TOP1MT: variants seen among roughly 807,000 people sequenced by gnomAD.
The protein encoded by TOP1MT is DNA topoisomerase I mitochondrial.
Under a neutral mutation model 73.9 loss-of-function variants are expected in TOP1MT, and 80 were observed. The ratio of observed to expected loss-of-function variants is 1.08; its 90% confidence interval spans 0.90 to 1.30. TOP1MT has a LOEUF of 1.30. Among genes scored for constraint, TOP1MT ranks in the 50% most tolerant of loss-of-function variants. The pLI is 0.00. For missense variants in TOP1MT, 815 were observed against 808.0 expected (o/e 1.01, Z -0.10); for synonymous variants, 338 against 326.4 (o/e 1.04, Z -0.38).
intron 12 of TOP1MT, among the ~76,000 whole-genome samples, chr8:143,315,194 C>G (rs1305132853): frequency 6.6e-6 from 1 of 152,206 alleles, no homozygotes; most frequent in Non-Finnish European, 1.5e-5. Flanking sequence ...CCGCAGTTAT[C>G]CGGAGGCCTA....
rs144092447 is a variant in TOP1MT at position 143,324,079 on chromosome 8, G to A, written c.880C>T (p.Arg294Cys). 36 of 1,613,876 alleles carry A rather than the reference G, an allele frequency of 2.2e-5. No individual in the cohort carries two copies. Among genetic ancestry groups the A allele is most frequent in the African/African-American group, 2.1e-4 (16 of 75,052 alleles). ...TTCCAGTCAGCCCGGTACTGGGAGC[G>A]GATCTCGTCCACAAATCCCCGCAGG... Reference protein sequence around the residue: ...RRLRGFVDEIRSQYRADWKSR... With the variant: ...RRLRGFVDEICSQYRADWKSR... The change falls in exon 7 of 14, where the codon CGC becomes TGC. Residue 294 changes from arginine (R) to cysteine (C), a missense_variant. Around this residue, in one of 3 missense-constraint regions of TOP1MT, gnomAD observed 751 missense variants for 725.4 expected, o/e 1.04. Coordinates refer to ENST00000329245, the MANE Select transcript of TOP1MT (RefSeq NM_052963.3).
intron 8 of TOP1MT, among the ~76,000 whole-genome samples, chr8:143,320,457 AG>A (rs1816299843): frequency 6.6e-6 from 1 of 152,128 alleles, no homozygotes; most frequent in South Asian, 2.1e-4. Flanking sequence ...TTTCAGAGAC[AG>A]GGTCTCATTA....
At chr8:143,335,925 A>T (rs2467952), upstream of TOP1MT, among the ~76,000 whole-genome samples, 18,070 of 152,110 alleles carry the variant, frequency 0.12, 3,584 homozygotes, top group African/African-American at 0.41. Context: ...CAGACCTGGT[A>T]GGTGTCCCAT....
intron 2 of TOP1MT, among the ~76,000 whole-genome samples, chr8:143,342,124 G>A (rs1173836502): frequency 7.7e-6 from 1 of 130,570 alleles, no homozygotes; most frequent in African/African-American, 3.8e-5. Flanking sequence ...TAGAGACACA[G>A]TCTCGCTCTG....
At chr8:143,335,392 C>G (rs1181148825), upstream of TOP1MT, among the ~76,000 whole-genome samples, 1 of 152,238 alleles carries the variant, frequency 6.6e-6, no homozygotes, top group Non-Finnish European at 1.5e-5. Flanking sequence ...ACAGCAGCCC[C>G]TCAGAGGTGG....
intron 12 of TOP1MT, among the ~76,000 whole-genome samples, chr8:143,311,645 C>T (rs1044778872): frequency 1.3e-5 from 2 of 151,756 alleles, no homozygotes; most frequent in Non-Finnish European, 2.9e-5. Context: ...ACTCAGGAGG[C>T]TGAGGCAGGA....
At position 143,313,860 on chromosome 8, in the gene TOP1MT, G is replaced by T. The variant is rs891763153; in HGVS notation, c.1553+1867C>A. On this transcript the variant is annotated intron_variant, in intron 12 of 13. Transcript: ENST00000329245. ...ACAGAGCAATGCTCTGTCTCCAAAGGAAAAAAAAAAAAAAGAAAGAACAAA... is the reference window on the plus strand; with the variant it reads ...ACAGAGCAATGCTCTGTCTCCAAAGTAAAAAAAAAAAAAAGAAAGAACAAA... Among the ~76,000 whole-genome samples the T allele has an allele frequency of 3.2e-4, 39 of 121,060 alleles. No homozygotes were observed. In the East Asian group the frequency reaches 8.1e-3, roughly 25 times the overall value. The allele number at this position is 121,060 out of a possible 152,430, so 79.4% of individuals were successfully genotyped here.
intron 1 of TOP1MT, 78 bp downstream of exon 1, chr8:143,334,662 G>T: frequency 6.4e-7 from 1 of 1,563,720 alleles, no homozygotes. Context: ...CGTCCCACGA[G>T]GCCTGCCACT....
intron 12 of TOP1MT, among the ~76,000 whole-genome samples, chr8:143,314,620 A>G (rs1349218132): frequency 6.6e-6 from 1 of 151,688 alleles, no homozygotes; most frequent in Non-Finnish European, 1.5e-5. Flanking sequence ...ACAAAATAAC[A>G]ATTGAAGAGG....
chr8:143,342,950 G>A (rs1056451980), intron 2 of TOP1MT, among the ~76,000 whole-genome samples: 3 of 151,888 alleles, frequency 2.0e-5, no homozygotes, highest in Non-Finnish European at 4.4e-5. Flanking sequence ...TAGTAGAGAG[G>A]GGGTTTCATC....
intron 1 of TOP1MT, 127 bp from the exon 2 acceptor site, chr8:143,331,466 G>C: frequency 2.8e-6 from 2 of 707,736 alleles, no homozygotes; most frequent in Non-Finnish European, 4.5e-6. Context: ...CCTCACGGGG[G>C]AGGAAAACAA....
rs202227978 is a variant in TOP1MT, at chr8:143,341,911, G to GTTA, written c.29+1306_29+1308dup. On this transcript the variant is annotated intron_variant, in intron 2 of 5. Coordinates refer to the TOP1MT transcript ENST00000518007. The surrounding 1 kb of genome is among the most constrained non-coding windows in gnomAD (Gnocchi z 4.1). Reference sequence around the variant, plus strand: ...CTTATTAGCGACAGAGTCTCACTCTGTTATTATTATTATTATTGAGACAGA... The same window carrying GTTA: ...CTTATTAGCGACAGAGTCTCACTCTGTTATTATTATTATTATTATTGAGACAGA... Among the ~76,000 whole-genome samples the GTTA allele has an allele frequency of 1.0e-3, 153 of 151,396 alleles. No individual in the cohort carries two copies. The Middle Eastern group carries it at 0.014, about 13-fold the overall frequency.
chr8:143,321,028 G>A (rs1356884959), intron 8 of TOP1MT, among the ~76,000 whole-genome samples, 173 bp downstream of exon 8: 1 of 152,244 alleles, frequency 6.6e-6, no homozygotes, highest in East Asian at 1.9e-4. Context: ...GTCTACCATG[G>A]TGCACAGCCT....
upstream of TOP1MT, among the ~76,000 whole-genome samples, chr8:143,356,603 T>A (rs1318978715): frequency 7.8e-6 from 1 of 128,350 alleles, no homozygotes; most frequent in African/African-American, 2.9e-5. Context: ...CTGGCCAACA[T>A]AGTGAAACCC....
upstream of TOP1MT, among the ~76,000 whole-genome samples, chr8:143,348,987 C>G (rs551605132): frequency 6.6e-6 from 1 of 152,288 alleles, no homozygotes; most frequent in Non-Finnish European, 1.5e-5. This position sits in a 1 kb window ranked among gnomAD's most constrained non-coding sequence, Gnocchi z 4.6. Context: ...ATTGCCTGCA[C>G]AGAATGCTCG....
At chr8:143,323,216 CAG>C (rs1180895854) in intron 7 of TOP1MT, among the ~76,000 whole-genome samples, 1 of 121,548 alleles carries the variant, frequency 8.2e-6, no homozygotes. Flanking sequence ...GCACGCCACA[CAG>C]GCACGCCACA....
intron 12 of TOP1MT, among the ~76,000 whole-genome samples, chr8:143,315,321 A>G (rs1037130085): frequency 2.6e-5 from 4 of 152,136 alleles, no homozygotes; most frequent in African/African-American, 9.7e-5. Flanking sequence ...GAAAGTACTA[A>G]AAGTCTCTGA....
intron 4 of TOP1MT, 119 bp from the exon 5 acceptor site, chr8:143,325,652 A>G: frequency 1.1e-6 from 1 of 923,098 alleles, no homozygotes; most frequent in East Asian, 2.5e-5. Flanking sequence ...GGACCCTCAA[A>G]GCCCTTCACA....
intron 4 of TOP1MT, 125 bp downstream of exon 4, chr8:143,326,097 A>T: frequency 2.6e-6 from 3 of 1,142,780 alleles, no homozygotes; most frequent in Non-Finnish European, 3.6e-6. Flanking sequence ...AAGGCTGACG[A>T]GAAAAGAGCA....
Sources: allele counts gnomAD v4.1 joint callset (sites outside exome capture counted in the v4.1 genomes callset), GRCh38; gene constraint gnomAD v4.1.1; regional missense constraint gnomAD v4.1.1; non-coding constraint Gnocchi (gnomAD v3.1); transcripts MANE v1.5; gene names NCBI Gene and HGNC (gene_info 2026-07-23, HGNC 2026-07-21).